The following GALNT13 variants were observed in gnomAD, a reference collection of about 807,000 sequenced individuals.
GALNT13 encodes polypeptide N-acetylgalactosaminyltransferase 13.
In GALNT13, 28 loss-of-function variants were observed where a neutral mutation model predicts 64.2. The observed-to-expected ratio is 0.44, with a 90% CI of 0.32 to 0.60. The LOEUF is 0.60. Ranked by LOEUF, GALNT13 falls within the 20% of genes least tolerant of loss-of-function variation. The pLI, the probability that GALNT13 is intolerant of heterozygous loss-of-function variation, is 0.05. For synonymous variants in GALNT13, 214 were observed against 224.6 expected, an observed-to-expected ratio of 0.95 and a Z score of 0.42; for missense variants, 577 against 669.8, an observed-to-expected ratio of 0.86 and a Z score of 1.53.
At chr2:154,224,901 G>A (rs552303138) in intron 4 of GALNT13, among the ~76,000 whole-genome samples, 1 of 152,118 alleles carries the variant, frequency 6.6e-6, no homozygotes, top group Non-Finnish European at 1.5e-5. Flanking sequence ...ATTTTATGTA[G>A]CAAAGCAATA....
At chr2:153,894,584 AG>A (rs1687771311) in intron 1 of GALNT13, among the ~76,000 whole-genome samples, 1 of 152,018 alleles carries the variant, frequency 6.6e-6, no homozygotes, top group Non-Finnish European at 1.5e-5. Flanking sequence ...GGTGACAGGG[AG>A]GGAGGAAAAG....
chr2:153,521,831 T>C, the GALNT13 span, among the ~76,000 whole-genome samples: 2 of 152,178 alleles, frequency 1.3e-5, no homozygotes, highest in East Asian at 3.9e-4. Context: ...CTTAGTAATA[T>C]GCATTTTATG....
chr2:154,110,017 C>A (rs1375377475), intron 3 of GALNT13, among the ~76,000 whole-genome samples: 4 of 151,532 alleles, frequency 2.6e-5, no homozygotes, highest in African/African-American at 9.7e-5. Context: ...CATTTCTTTT[C>A]AATTTTTTTG....
At chr2:154,185,626 C>A (rs1459316449) in intron 4 of GALNT13, among the ~76,000 whole-genome samples, 1 of 151,772 alleles carries the variant, frequency 6.6e-6, no homozygotes, top group East Asian at 1.9e-4. Context: ...ATTAAATCTG[C>A]TGTTAAAGTT....
At chr2:153,101,029 G>A in the GALNT13 span, among the ~76,000 whole-genome samples, 1 of 152,026 alleles carries the variant, frequency 6.6e-6, no homozygotes, top group Non-Finnish European at 1.5e-5. Context: ...GTGACAGAGT[G>A]AGACTCTGTC....
chr2:153,360,899 T>A, the GALNT13 span, among the ~76,000 whole-genome samples: 1 of 152,074 alleles, frequency 6.6e-6, no homozygotes, highest in African/African-American at 2.4e-5. Flanking sequence ...TGGCTTTTGC[T>A]CCCTTTGCCA....
the GALNT13 span, among the ~76,000 whole-genome samples, chr2:153,726,687 A>T: frequency 1.3e-5 from 2 of 152,034 alleles, no homozygotes; most frequent in African/African-American, 2.4e-5. Flanking sequence ...CATGCCTGTA[A>T]TCTCAGCACT....
chr2:154,107,292 G>A (rs1702672871), intron 3 of GALNT13, among the ~76,000 whole-genome samples: 2 of 152,062 alleles, frequency 1.3e-5, no homozygotes, highest in South Asian at 4.1e-4. Context: ...AAACGCATTT[G>A]TTATGTTAAA....
chr2:154,215,320 A>T (rs113995493), intron 4 of GALNT13, among the ~76,000 whole-genome samples: 196 of 152,002 alleles, frequency 1.3e-3, no homozygotes, highest in African/African-American at 4.2e-3. Context: ...TACTGCCACC[A>T]GACAAATATT....
the GALNT13 span, among the ~76,000 whole-genome samples, chr2:153,408,590 G>A: frequency 1.6e-4 from 25 of 152,018 alleles, no homozygotes; most frequent in Non-Finnish European, 3.1e-4. Flanking sequence ...CTACACGATT[G>A]TGCCGATTTA....
the GALNT13 span, among the ~76,000 whole-genome samples, chr2:153,292,856 T>A: frequency 6.6e-6 from 1 of 152,184 alleles, no homozygotes; most frequent in Non-Finnish European, 1.5e-5. Flanking sequence ...GACATTTCTG[T>A]GTGTATATAT....
chr2:154,170,065 G>C (rs1331858469), intron 4 of GALNT13, among the ~76,000 whole-genome samples: 1 of 152,186 alleles, frequency 6.6e-6, no homozygotes, highest in Non-Finnish European at 1.5e-5. Flanking sequence ...CAGCTTAGTT[G>C]AGTCATAGAA....
chr2:154,214,019 C>T (rs1687915187), intron 4 of GALNT13, among the ~76,000 whole-genome samples: 1 of 152,112 alleles, frequency 6.6e-6, no homozygotes, highest in Non-Finnish European at 1.5e-5. Context: ...CTGAGGTCCA[C>T]CTGCCTACTA....
chr2:153,233,900 T>A, the GALNT13 span, among the ~76,000 whole-genome samples: 1 of 152,144 alleles, frequency 6.6e-6, no homozygotes, highest in South Asian at 2.1e-4. Context: ...TATATTAATT[T>A]TGCTAACTAG....
chr2:153,575,752 G>C, the GALNT13 span, among the ~76,000 whole-genome samples: 1 of 150,400 alleles, frequency 6.6e-6, no homozygotes, highest in Admixed American at 6.6e-5. Context: ...TGGGACAGTG[G>C]GCTCCCCTCT....
chr2:153,126,294 TTGTATATATATATATATATA>T, the GALNT13 span, among the ~76,000 whole-genome samples: 32 of 50,950 alleles, frequency 6.3e-4, no homozygotes, highest in East Asian at 3.5e-3. Flanking sequence ...AGTATTGATT[TTGTATATATATATATATATA>T]TATATATATA....
chr2:153,136,064 G>A, the GALNT13 span, among the ~76,000 whole-genome samples: 1 of 152,056 alleles, frequency 6.6e-6, no homozygotes, highest in African/African-American at 2.4e-5. Flanking sequence ...CTTATTGAAA[G>A]CTGAATTTAC....
chr2:154,180,610 A>C (rs895133402), intron 4 of GALNT13, among the ~76,000 whole-genome samples: 1 of 152,168 alleles, frequency 6.6e-6, no homozygotes. Flanking sequence ...GAATTCTAAA[A>C]ATCACCATGC....
chr2:153,409,361 T>C, the GALNT13 span, among the ~76,000 whole-genome samples: 1 of 149,650 alleles, frequency 6.7e-6, no homozygotes, highest in Non-Finnish European at 1.5e-5. Context: ...TGTATATGTA[T>C]ATATTCATAT....
Sources: allele counts gnomAD v4.1 joint callset (sites outside exome capture counted in the v4.1 genomes callset), GRCh38; gene constraint gnomAD v4.1.1; transcripts MANE v1.5; gene names NCBI Gene and HGNC (gene_info 2026-07-23, HGNC 2026-07-21).